CYP19A1: variants seen among roughly 807,000 people sequenced by gnomAD.
CYP19A1 encodes cytochrome P450 family 19 subfamily A member 1, also known as aromatase.
In CYP19A1, 32 loss-of-function variants were observed where a neutral mutation model predicts 44.4. The observed-to-expected ratio is 0.72, with a 90% CI of 0.54 to 0.97. The LOEUF (loss-of-function observed/expected upper bound fraction) is 0.97, where lower values mean the gene tolerates loss of function less well. Ranked by LOEUF, CYP19A1 falls within the 50% of genes least tolerant of loss-of-function variation. The pLI, the probability that CYP19A1 is intolerant of heterozygous loss-of-function variation, is 0.00. For synonymous variants in CYP19A1, 212 were observed against 215.6 expected, an observed-to-expected ratio of 0.98 and a Z score of 0.14; for missense variants, 598 against 637.8, an observed-to-expected ratio of 0.94 and a Z score of 0.67.
At chr15:51,213,369 C>T (rs1595667510) in intron 8 of CYP19A1, among the ~76,000 whole-genome samples, 1 of 152,318 alleles carries the variant, frequency 6.6e-6, no homozygotes, top group South Asian at 2.1e-4. Flanking sequence ...AGAGATGCCA[C>T]TTTTGCAGGA....
At chr15:51,227,277 C>T (rs1022483662) in intron 4 of CYP19A1, among the ~76,000 whole-genome samples, 1 of 152,090 alleles carries the variant, frequency 6.6e-6, no homozygotes, top group Non-Finnish European at 1.5e-5. Context: ...ACATTTACCA[C>T]ATGGGGCTGC....
At chr15:51,256,795 C>A (rs574369861) in intron 1 of CYP19A1, among the ~76,000 whole-genome samples, 88 of 152,110 alleles carry the variant, frequency 5.8e-4, no homozygotes, top group Non-Finnish European at 1.9e-4. Flanking sequence ...ATGTTAATGG[C>A]AGAATCATAT....
intron 1 of CYP19A1, among the ~76,000 whole-genome samples, chr15:51,326,271 T>C (rs1012476633): frequency 6.6e-6 from 1 of 152,202 alleles, no homozygotes; most frequent in Admixed American, 6.5e-5. Context: ...AGTTTACCCC[T>C]GGACCTCCCA....
At chr15:51,256,779 T>G (rs1031109750) in intron 1 of CYP19A1, among the ~76,000 whole-genome samples, 12 of 152,180 alleles carry the variant, frequency 7.9e-5, no homozygotes, top group Non-Finnish European at 1.6e-4. Flanking sequence ...CAGTAAGTGA[T>G]AGCTAATGTT....
chr15:51,334,611 C>T (rs887639430), intron 1 of CYP19A1, among the ~76,000 whole-genome samples: 3 of 152,210 alleles, frequency 2.0e-5, no homozygotes, highest in Non-Finnish European at 4.4e-5. Context: ...TTTCTGAAAA[C>T]AATCACTTTT....
At chr15:51,250,537 T>TA in intron 1 of CYP19A1, among the ~76,000 whole-genome samples, 1 of 152,232 alleles carries the variant, frequency 6.6e-6, no homozygotes, top group Non-Finnish European at 1.5e-5. Context: ...CTGCATCTGA[T>TA]AGAGTCTCCC....
At chr15:51,283,015 G>A (rs1242769600) in intron 1 of CYP19A1, among the ~76,000 whole-genome samples, 1 of 152,132 alleles carries the variant, frequency 6.6e-6, no homozygotes, top group Admixed American at 6.5e-5. Context: ...GGAGATAATT[G>A]GCAGAGATTT....
intron 1 of CYP19A1, among the ~76,000 whole-genome samples, chr15:51,332,134 A>G (rs1269169299): frequency 6.6e-6 from 1 of 152,146 alleles, no homozygotes; most frequent in Non-Finnish European, 1.5e-5. Flanking sequence ...TTAATTAGTT[A>G]TCAAGTTTCT....
At position 51,299,660 on chromosome 15, in the gene CYP19A1, G is replaced by A. The variant is rs116102429; in HGVS notation, c.-39+38835C>T. Among the ~76,000 whole-genome samples the A allele has an allele frequency of 5.5e-3, 840 of 152,346 alleles. 11 individuals carry two copies. Among genetic ancestry groups the A allele is most frequent in the African/African-American group, 0.019 (809 of 41,570 alleles). ...CCCACACACAGAATGAGCACCCTCAGTGAGAAGTTCCTTTACAGGAATTTA... is the reference window on the plus strand; with the variant it reads ...CCCACACACAGAATGAGCACCCTCAATGAGAAGTTCCTTTACAGGAATTTA... On this transcript the variant is annotated intron_variant, in intron 1 of 9. Coordinates refer to ENST00000396402, the MANE Select transcript of CYP19A1 (RefSeq NM_000103.4).
intron 4 of CYP19A1, among the ~76,000 whole-genome samples, chr15:51,227,316 A>G (rs2032660554): frequency 6.6e-6 from 1 of 152,078 alleles, no homozygotes; most frequent in Non-Finnish European, 1.5e-5. Flanking sequence ...AATGGCTACA[A>G]CAGAGTAAAG....
intron 1 of CYP19A1, among the ~76,000 whole-genome samples, chr15:51,310,163 A>G (rs1440310538): frequency 6.6e-6 from 1 of 152,212 alleles, no homozygotes; most frequent in Non-Finnish European, 1.5e-5. Context: ...ACCAAATGGA[A>G]GGCATGCATT....
At position 51,218,467 on chromosome 15, in the gene CYP19A1, A is replaced by T. The variant is rs144729874; in HGVS notation, c.743+74T>A. 2.3e-4 allele frequency: 359 copies of T among 1,541,410 alleles called. 1 individual carries two copies. In the African/African-American group the frequency reaches 4.4e-3, roughly 19 times the overall value. On this transcript the variant is annotated intron_variant, in intron 6 of 9. Coordinates refer to ENST00000396402, the MANE Select transcript of CYP19A1 (RefSeq NM_000103.4). ...CAGAAAAGTTACCTGAGAGGCCAAGAAAAACAGCAAAGACACAAGGGAAAA... is the reference window on the plus strand; with the variant it reads ...CAGAAAAGTTACCTGAGAGGCCAAGTAAAACAGCAAAGACACAAGGGAAAA...
In CYP19A1 at chr15:51,269,558, A is replaced by G. The variant is rs180956608; in HGVS notation, c.-38-26608T>C. 9.1e-4 allele frequency among the ~76,000 whole-genome samples: 139 copies of G among 152,162 alleles called. 1 individual carries two copies. The highest frequency in any genetic ancestry group is 3.2e-3 in the African/African-American group (132 of 41,484). ...CTCAAATCTCCTTAAAACAACAACA[A>G]CTACCACTACTACTACTATTTGGAG... On this transcript the variant is annotated intron_variant, in intron 1 of 9. Coordinates refer to ENST00000396402, the MANE Select transcript of CYP19A1 (RefSeq NM_000103.4).
At chr15:51,267,901 G>A (rs551073013) in intron 1 of CYP19A1, among the ~76,000 whole-genome samples, 3 of 152,268 alleles carry the variant, frequency 2.0e-5, no homozygotes, top group African/African-American at 4.8e-5. Flanking sequence ...GAGCCTGAAC[G>A]CCACAACTGG....
intron 1 of CYP19A1, among the ~76,000 whole-genome samples, chr15:51,271,666 A>G (rs961725056): frequency 2.0e-5 from 3 of 152,198 alleles, no homozygotes; most frequent in East Asian, 3.9e-4. Flanking sequence ...CTCTTCTCCC[A>G]TATCTACTCA....
intron 1 of CYP19A1, among the ~76,000 whole-genome samples, chr15:51,294,926 T>G (rs1332139341): frequency 6.6e-6 from 1 of 151,964 alleles, no homozygotes; most frequent in Non-Finnish European, 1.5e-5. Flanking sequence ...GGTTGCTGTG[T>G]CTGTGTAGAA....
chr15:51,279,978 AC>A (rs1176655942), intron 1 of CYP19A1: 1 of 152,194 alleles, frequency 6.6e-6, no homozygotes, highest in East Asian at 1.9e-4. Flanking sequence ...CAAAGGAGAA[AC>A]AGAGAGAGAA....
intron 1 of CYP19A1, among the ~76,000 whole-genome samples, chr15:51,283,082 GATA>G (rs1004886323): frequency 2.8e-4 from 42 of 152,254 alleles, no homozygotes; most frequent in African/African-American, 9.9e-4. Context: ...CAATGTGAGT[GATA>G]ATAAAGGCAG....
Position 51,210,555 on chromosome 15 carries a change from C to A in CYP19A1, c.*253G>T. ...TGGTGGAATCGGGTCTTTATGGATA[C>A]GGTTTCTTCACCGACTATTTCTCCC... On this transcript the variant is annotated 3_prime_UTR_variant, in exon 10 of 10. Coordinates refer to ENST00000396402, the MANE Select transcript of CYP19A1 (RefSeq NM_000103.4). 2 of 631,732 alleles carry A rather than the reference C, an allele frequency of 3.2e-6. No homozygotes were observed. Among genetic ancestry groups the A allele is most frequent in the East Asian group, 3.1e-5 (1 of 32,060 alleles). 39.1% of individuals were successfully genotyped at this position (631,732 alleles called of 1,614,324 possible). A position where few individuals can be genotyped will look rare whatever the true frequency, so the allele number is the denominator to read the frequency against.
Sources: gnomAD v4.1 joint callset for allele counts (sites outside exome capture counted in the v4.1 genomes callset) on GRCh38, gnomAD v4.1.1 for gene constraint, MANE v1.5 for transcripts, NCBI Gene and HGNC (gene_info 2026-07-23, HGNC 2026-07-21) for gene names.